MMP16: variants seen among roughly 807,000 people sequenced by gnomAD.
MMP16 encodes matrix metallopeptidase 16.
A neutral mutation model predicts 67.8 loss-of-function variants in MMP16; 12 were observed. That is an observed-to-expected ratio of 0.18 (90% CI 0.11 to 0.29). The LOEUF is 0.29. Ranked by LOEUF, MMP16 falls within the 10% of genes least tolerant of loss-of-function variation. The pLI, the probability that MMP16 is intolerant of heterozygous loss-of-function variation, is 1.00. For missense variants in MMP16, 475 were observed against 765.7 expected (o/e 0.62, Z 4.48); for synonymous variants, 249 against 255.9 (o/e 0.97, Z 0.26).
At chr8:88,157,603 C>A (rs1276594466) in intron 4 of MMP16, among the ~76,000 whole-genome samples, 1 of 151,808 alleles carries the variant, frequency 6.6e-6, no homozygotes, top group East Asian at 1.9e-4. Context: ...CTCTATCCCA[C>A]CACAGCGGCA....
intron 3 of MMP16, among the ~76,000 whole-genome samples, chr8:88,183,597 C>T (rs1293266234): frequency 1.3e-5 from 2 of 151,998 alleles, no homozygotes; most frequent in Non-Finnish European, 1.5e-5. Flanking sequence ...GGAGAGGTAG[C>T]AGATACTGCT....
intron 1 of MMP16, among the ~76,000 whole-genome samples, chr8:88,265,223 C>CTTTTTTT (rs398008661): frequency 0.081 from 8,156 of 100,322 alleles, 847 homozygotes; most frequent in South Asian, 0.14. Flanking sequence ...TGACCATTTC[C>CTTTTTTT]TTTTTTTTTT....
chr8:88,212,581 A>G (rs1170156529), intron 1 of MMP16, among the ~76,000 whole-genome samples: 1 of 152,174 alleles, frequency 6.6e-6, no homozygotes, highest in African/African-American at 2.4e-5. Context: ...ACCCACAAAG[A>G]AAGCAAAACA....
chr8:88,142,693 G>A (rs1484008683), intron 4 of MMP16, among the ~76,000 whole-genome samples: 2 of 152,000 alleles, frequency 1.3e-5, no homozygotes, highest in African/African-American at 4.8e-5. Context: ...GAAATAAACT[G>A]TTTTAATATT....
intron 4 of MMP16, among the ~76,000 whole-genome samples, chr8:88,148,587 G>C (rs1808335906): frequency 6.6e-6 from 1 of 152,044 alleles, no homozygotes; most frequent in Non-Finnish European, 1.5e-5. Context: ...TTGAACTAAG[G>C]TTTGGTCTCT....
intron 1 of MMP16, among the ~76,000 whole-genome samples, chr8:88,279,201 A>G (rs1195476494): frequency 6.6e-6 from 1 of 151,226 alleles, no homozygotes; most frequent in Non-Finnish European, 1.5e-5. Context: ...CAGCCTGGTG[A>G]CACAGCAAGA....
At chr8:88,047,620 A>G (rs1427335738) in intron 8 of MMP16, among the ~76,000 whole-genome samples, 2 of 152,200 alleles carry the variant, frequency 1.3e-5, no homozygotes, top group Admixed American at 1.3e-4. Context: ...ATGCTGGAGT[A>G]CCTGTGTCTA....
At chr8:88,141,749 C>T (rs1035020830) in intron 4 of MMP16, among the ~76,000 whole-genome samples, 16 of 151,908 alleles carry the variant, frequency 1.1e-4, no homozygotes, top group African/African-American at 3.9e-4. Flanking sequence ...ATGGACTGTC[C>T]CTCTTACATA....
At chr8:88,048,649 G>C (rs940078275) in intron 8 of MMP16, among the ~76,000 whole-genome samples, 2 of 152,124 alleles carry the variant, frequency 1.3e-5, no homozygotes, top group African/African-American at 4.8e-5. Context: ...AAAAGTATCT[G>C]CTATTTCACC....
chr8:88,183,400 T>G (rs1809013868), intron 3 of MMP16, among the ~76,000 whole-genome samples: 1 of 152,166 alleles, frequency 6.6e-6, no homozygotes, highest in South Asian at 2.1e-4. Flanking sequence ...GAAAATAAAA[T>G]CTGTTTTTAG....
intron 7 of MMP16, among the ~76,000 whole-genome samples, chr8:88,062,806 TA>T (rs911197312): frequency 4.6e-5 from 7 of 151,862 alleles, no homozygotes; most frequent in Admixed American, 2.0e-4. Context: ...TAAAGTATAA[TA>T]AAAAAAATTA....
chr8:88,095,174 A>G (rs1214920424), intron 6 of MMP16, among the ~76,000 whole-genome samples: 1 of 151,778 alleles, frequency 6.6e-6, no homozygotes, highest in East Asian at 1.9e-4. Context: ...ATTTGCTAAA[A>G]GACTTTTTTT....
At chr8:88,323,724 G>C (rs1046374849) in intron 1 of MMP16, among the ~76,000 whole-genome samples, 7 of 151,710 alleles carry the variant, frequency 4.6e-5, no homozygotes, top group African/African-American at 1.7e-4. Context: ...CGATATGAGA[G>C]GTATTACTAT....
intron 1 of MMP16, among the ~76,000 whole-genome samples, chr8:88,216,312 G>C (rs1023979976): frequency 1.3e-5 from 2 of 152,068 alleles, no homozygotes; most frequent in East Asian, 3.9e-4. Context: ...AAATAACAAA[G>C]TTTTAATTTT....
At position 88,053,803 on chromosome 8, in the gene MMP16, C is replaced by T. The variant is rs145672744; in HGVS notation, c.1373+2325G>A. Among the ~76,000 whole-genome samples, 6 of 152,168 alleles carry T rather than the reference C, an allele frequency of 3.9e-5. No individual in the cohort carries two copies. The East Asian group carries it at 1.2e-3, about 29-fold the overall frequency. On this transcript the variant is annotated intron_variant, in intron 8 of 9. Coordinates refer to ENST00000286614, the MANE Select transcript of MMP16 (RefSeq NM_005941.5). ...AACATCTATAACTCATGACATCTTA[C>T]ATAAGATCACACACATGGAAATTAA...
intron 6 of MMP16, among the ~76,000 whole-genome samples, chr8:88,075,405 G>A (rs1808630618): frequency 6.6e-6 from 1 of 152,114 alleles, no homozygotes; most frequent in South Asian, 2.1e-4. Context: ...TATGAAAAGT[G>A]TCTATTCATT....
chr8:88,211,195 T>C (rs1586207029), intron 1 of MMP16, among the ~76,000 whole-genome samples: 1 of 152,142 alleles, frequency 6.6e-6, no homozygotes, highest in Non-Finnish European at 1.5e-5. Context: ...CACTGTCTGG[T>C]TTCATACAGC....
At chr8:88,291,969 C>A (rs1229975898) in intron 1 of MMP16, among the ~76,000 whole-genome samples, 2 of 152,126 alleles carry the variant, frequency 1.3e-5, no homozygotes, top group Non-Finnish European at 2.9e-5. Context: ...CACTGAGACA[C>A]AGACATGCTA....
chr8:88,147,877 T>A (rs961188437), intron 4 of MMP16, among the ~76,000 whole-genome samples: 16 of 152,108 alleles, frequency 1.1e-4, no homozygotes, highest in Admixed American at 1.0e-3. Flanking sequence ...TACTTCTAGA[T>A]AATTATCAAC....
Sources: gnomAD v4.1 joint callset for allele counts (sites outside exome capture counted in the v4.1 genomes callset) on GRCh38, gnomAD v4.1.1 for gene constraint, MANE v1.5 for transcripts, NCBI Gene and HGNC (gene_info 2026-07-23, HGNC 2026-07-21) for gene names.